Variants in NTN4 observed in about 807,000 individuals in gnomAD.
NTN4 encodes netrin 4, also known as netrin-4.
A neutral mutation model predicts 73.6 loss-of-function variants in NTN4; 32 were observed. The ratio of observed to expected loss-of-function variants is 0.44; its 90% CI spans 0.33 to 0.58. The LOEUF (loss-of-function observed/expected upper bound fraction) is 0.58. NTN4 is among the 20% of genes least tolerant of loss of function. The probability of loss-of-function intolerance (pLI) is 0.04; values close to 1 mark genes in which losing one functional copy is unlikely to be tolerated. For synonymous variants in NTN4, 258 were observed against 287.5 expected (o/e 0.90, Z 1.04); for missense variants, 654 against 798.3 (o/e 0.82, Z 2.18).
At chr12:95,785,620 G>A (rs2079161729) in intron 2 of NTN4, among the ~76,000 whole-genome samples, 1 of 152,184 alleles carries the variant, frequency 6.6e-6, no homozygotes, top group Non-Finnish European at 1.5e-5. Context: ...ATGGAAGTGG[G>A]GAAAGGAGGC....
chr12:95,790,931 G>GGT (rs955087020), upstream of NTN4, among the ~76,000 whole-genome samples: 10 of 149,002 alleles, frequency 6.7e-5, no homozygotes, highest in African/African-American at 2.4e-4. The surrounding 1 kb of genome is among the most constrained non-coding windows in gnomAD (Gnocchi z 6.5). Flanking sequence ...TGCCGCCCGG[G>GGT]GGGGGGGTCC....
At chr12:95,779,719 T>C (rs1443088019) in intron 2 of NTN4, among the ~76,000 whole-genome samples, 2 of 151,912 alleles carry the variant, frequency 1.3e-5, no homozygotes, top group Non-Finnish European at 1.5e-5. Flanking sequence ...ATCGTGAAAA[T>C]GGCCATACTG....
rs1312134431 is a variant in NTN4, at chr12:95,790,323, C to T, written c.-14G>A. On this transcript the variant is annotated 5_prime_UTR_variant, in exon 1 of 10. Transcript: ENST00000343702. This position sits in a 1 kb window ranked among gnomAD's most constrained non-coding sequence, Gnocchi z 6.5. ...GCAGCTCCCCATGGCCGGGAGGAGC[C>T]GGGAGCAGCCGGGCCGGGCGGGTGC... 6 of 1,525,102 alleles carry T rather than the reference C, an allele frequency of 3.9e-6. No homozygotes were observed. The highest frequency in any genetic ancestry group is 2.0e-5 in the Admixed American group (1 of 49,190). The allele number at this position is 1,525,102 out of a possible 1,614,324, so 94.5% of individuals were successfully genotyped here.
intron 7 of NTN4, chr12:95,672,205 C>T (rs928756108): frequency 6.5e-6 from 3 of 463,366 alleles, no homozygotes; most frequent in African/African-American, 9.5e-5. Flanking sequence ...GGTCGGGTTG[C>T]GGGGGGCGGG....
chr12:95,670,138 C>G lies in NTN4; in HGVS notation c.1519G>C (p.Glu507Gln). ...FSALLHSGKC[E>Q]CKEQTLGNAK... The stretch of plus-strand genomic sequence containing the variant: ...TTTCCTAATGTCTGTTCCTTACATT[C>G]GCATTTACCTATGGAAAGTAAATTA... The change falls in exon 8 of 10, where the codon GAA (glutamate) becomes CAA (glutamine). Residue 507 changes from glutamate (E) to glutamine (Q), a missense_variant. Coordinates refer to ENST00000343702, the MANE Select transcript of NTN4 (RefSeq NM_021229.4). 1.3e-6 allele frequency: 2 copies of G among 1,582,160 alleles called. No individual in the cohort carries two copies. The highest frequency in any genetic ancestry group is 1.7e-6 in the Non-Finnish European group (2 of 1,159,316).
chr12:95,689,095 T>G (rs1010714768), intron 5 of NTN4, among the ~76,000 whole-genome samples: 1 of 152,014 alleles, frequency 6.6e-6, no homozygotes, highest in African/African-American at 2.4e-5. Flanking sequence ...CCCCATAAGC[T>G]CTCTTTCATT....
At chr12:95,761,304 G>A (rs943420628) in intron 2 of NTN4, among the ~76,000 whole-genome samples, 5 of 147,192 alleles carry the variant, frequency 3.4e-5, no homozygotes, top group Admixed American at 7.6e-5. Flanking sequence ...GAATTTTCCC[G>A]AGGCAGGACA....
At chr12:95,731,162 T>C (rs1429299914) in intron 3 of NTN4, among the ~76,000 whole-genome samples, 4 of 152,220 alleles carry the variant, frequency 2.6e-5, no homozygotes, top group East Asian at 1.9e-4. Context: ...TCTGGTGACA[T>C]TGAAATGTAG....
intron 2 of NTN4, among the ~76,000 whole-genome samples, chr12:95,774,199 T>A (rs2079076612): frequency 6.9e-6 from 1 of 145,670 alleles, no homozygotes. Context: ...AAAAAAAAGA[T>A]TGGCATTATA....
chr12:95,690,327 T>G (rs1452794099), intron 5 of NTN4, among the ~76,000 whole-genome samples: 2 of 152,226 alleles, frequency 1.3e-5, no homozygotes, highest in Admixed American at 6.5e-5. Context: ...GGGATCTAAC[T>G]TGAATAAAAC....
intron 7 of NTN4, chr12:95,673,156 C>G: frequency 1.5e-6 from 1 of 674,774 alleles, no homozygotes; most frequent in African/African-American, 1.8e-5. Context: ...GCCACACTGA[C>G]CACATCTGTA....
At chr12:95,729,628 AGAGAGTGTGTGTGTGTGTGT>A (rs1212663418) in intron 3 of NTN4, among the ~76,000 whole-genome samples, 1 of 102,192 alleles carries the variant, frequency 9.8e-6, no homozygotes, top group African/African-American at 3.8e-5. Flanking sequence ...AGAGAGAGAG[AGAGAGTGTGTGTGTGTGTGT>A]GTGTGTGTGT....
At position 95,790,108 on chromosome 12, in the gene NTN4, G is replaced by A; in HGVS notation, c.55+147C>T. 1.7e-6 allele frequency: 1 copy of A among 587,342 alleles called. No individual in the cohort carries two copies. The highest frequency in any genetic ancestry group is 2.9e-6 in the Non-Finnish European group (1 of 349,116). The allele number at this position is 587,342 out of a possible 1,614,324, so 36.4% of individuals were successfully genotyped here. On this transcript the variant is annotated intron_variant, in intron 1 of 9. Coordinates refer to ENST00000343702, the MANE Select transcript of NTN4 (RefSeq NM_021229.4). This position sits in a 1 kb window ranked among gnomAD's most constrained non-coding sequence, Gnocchi z 6.5. ...GTATTTGAAACTGCGGAGCCCCGGGGAAAGGAGGCGGAACATGGCCACTCA... is the reference window on the plus strand; with the variant it reads ...GTATTTGAAACTGCGGAGCCCCGGGAAAAGGAGGCGGAACATGGCCACTCA...
At chr12:95,679,347 T>C (rs1315837406) in intron 7 of NTN4, among the ~76,000 whole-genome samples, 1 of 152,216 alleles carries the variant, frequency 6.6e-6, no homozygotes, top group East Asian at 1.9e-4. Context: ...GATCCATTCA[T>C]GTATAGAAAC....
intron 7 of NTN4, among the ~76,000 whole-genome samples, chr12:95,675,515 C>A (rs990123686): frequency 6.6e-6 from 1 of 152,092 alleles, no homozygotes; most frequent in African/African-American, 2.4e-5. Flanking sequence ...TCTCAATCAA[C>A]ACAACTTTGT....
chr12:95,667,192 C>CT (rs771438926), intron 8 of NTN4, among the ~76,000 whole-genome samples: 7,020 of 137,144 alleles, frequency 0.051, 180 homozygotes, highest in East Asian at 0.085. Context: ...TAGGGAAGTT[C>CT]TTTTTTTTTT....
chr12:95,709,314 T>C (rs2078544753), intron 5 of NTN4, among the ~76,000 whole-genome samples: 1 of 152,148 alleles, frequency 6.6e-6, no homozygotes, highest in Admixed American at 6.5e-5. Flanking sequence ...GAGTGGCTTC[T>C]GTTATCTGAT....
intron 7 of NTN4, chr12:95,670,475 A>T (rs553283608): frequency 5.5e-6 from 1 of 181,506 alleles, no homozygotes; most frequent in African/African-American, 2.3e-5. Context: ...AATGGAAAAC[A>T]ATTGTCTTTC....
chr12:95,689,070 T>TC (rs1235864796), intron 5 of NTN4, among the ~76,000 whole-genome samples: 2 of 151,964 alleles, frequency 1.3e-5, no homozygotes, highest in Admixed American at 1.3e-4. Context: ...TGTGCAACCT[T>TC]CCCCCCACGC....
Sources: allele counts gnomAD v4.1 joint callset (sites outside exome capture counted in the v4.1 genomes callset), GRCh38; gene constraint gnomAD v4.1.1; non-coding constraint Gnocchi (gnomAD v3.1); transcripts MANE v1.5; gene names NCBI Gene and HGNC (gene_info 2026-07-23, HGNC 2026-07-21).